Variants in PRKG1 observed in about 807,000 individuals in gnomAD.
PRKG1 encodes cGMP-dependent protein kinase 1.
Under a neutral mutation model 88.1 loss-of-function variants are expected in PRKG1, and 35 were observed. The observed-to-expected ratio is 0.40, with a 90% CI of 0.30 to 0.53. The LOEUF (loss-of-function observed/expected upper bound fraction) is 0.53. Among genes scored for constraint, PRKG1 ranks in the 20% least tolerant of loss-of-function variants. The pLI is 0.59. For synonymous variants in PRKG1, 303 were observed against 292.5 expected (o/e 1.04, Z -0.37); for missense variants, 540 against 839.8 (o/e 0.64, Z 4.41).
At chr10:51,082,449 A>C (rs774993614) in intron 1 of PRKG1, among the ~76,000 whole-genome samples, 7 of 152,192 alleles carry the variant, frequency 4.6e-5, no homozygotes, top group Admixed American at 2.0e-4. Flanking sequence ...CAATTCCTAG[A>C]TTGTACCACA....
At chr10:51,096,797 C>A (rs1844541096) in intron 1 of PRKG1, among the ~76,000 whole-genome samples, 1 of 152,200 alleles carries the variant, frequency 6.6e-6, no homozygotes, top group South Asian at 2.1e-4. Context: ...CATCATTCCG[C>A]TAGCCCAGTG....
At chr10:51,592,904 A>G (rs1200720909) in intron 3 of PRKG1, among the ~76,000 whole-genome samples, 1 of 152,190 alleles carries the variant, frequency 6.6e-6, no homozygotes, top group Non-Finnish European at 1.5e-5. Context: ...CCAGTTTTGC[A>G]TACAGCTTCT....
chr10:51,505,906 C>A (rs576973065), intron 3 of PRKG1, among the ~76,000 whole-genome samples: 9 of 151,640 alleles, frequency 5.9e-5, no homozygotes, highest in African/African-American at 1.9e-4. Flanking sequence ...TTTTGTTGAT[C>A]TTTTCAAAAA....
At chr10:51,218,644 A>G (rs950084002) in intron 2 of PRKG1, among the ~76,000 whole-genome samples, 6 of 150,782 alleles carry the variant, frequency 4.0e-5, no homozygotes, top group African/African-American at 1.5e-4. Context: ...TTAAATATAA[A>G]CACCAATGCA....
At chr10:51,634,175 AC>A (rs1839597760) in intron 3 of PRKG1, among the ~76,000 whole-genome samples, 1 of 152,180 alleles carries the variant, frequency 6.6e-6, no homozygotes, top group African/African-American at 2.4e-5. Flanking sequence ...TACCCTAGGT[AC>A]TAGCAAAGCT....
At chr10:51,324,624 C>T (rs1268561187) in intron 2 of PRKG1, among the ~76,000 whole-genome samples, 10 of 151,616 alleles carry the variant, frequency 6.6e-5, no homozygotes, top group Admixed American at 5.9e-4. Context: ...GCCTGTAATC[C>T]CAGCTACTCG....
chr10:51,882,082 TA>T (rs1395468101), intron 4 of PRKG1, among the ~76,000 whole-genome samples: 3 of 152,114 alleles, frequency 2.0e-5, no homozygotes, highest in African/African-American at 7.2e-5. Context: ...GTTTAAAGCA[TA>T]AAAAAAGTCC....
intron 3 of PRKG1, among the ~76,000 whole-genome samples, chr10:51,626,668 C>G (rs761391573): frequency 5.9e-5 from 9 of 152,016 alleles, no homozygotes; most frequent in Non-Finnish European, 1.0e-4. Context: ...TTTTAGCATT[C>G]TTTTGTTTTT....
intron 1 of PRKG1, among the ~76,000 whole-genome samples, chr10:51,018,741 G>T (rs936453194): frequency 2.6e-5 from 4 of 152,144 alleles, no homozygotes; most frequent in African/African-American, 9.7e-5. Context: ...TTGATCTCTA[G>T]ATAGTAGGGC....
chr10:51,823,114 T>A (rs958447928), intron 4 of PRKG1, among the ~76,000 whole-genome samples: 2 of 152,164 alleles, frequency 1.3e-5, no homozygotes, highest in African/African-American at 4.8e-5. Context: ...AACTTTCCAG[T>A]CACTATTTAA....
intron 1 of PRKG1, among the ~76,000 whole-genome samples, chr10:51,117,346 C>T (rs12354596): frequency 0.022 from 3,381 of 152,278 alleles, 54 homozygotes; most frequent in Non-Finnish European, 0.03. Context: ...ATTCTATCAA[C>T]ATTTTAACCA....
At chr10:52,089,883 C>T (rs950898656) in intron 7 of PRKG1, among the ~76,000 whole-genome samples, 14 of 132,414 alleles carry the variant, frequency 1.1e-4, no homozygotes, top group South Asian at 2.4e-4. Context: ...GGCACAATCT[C>T]GGCTCACTGC....
chr10:52,040,832 C>CTTTTTT lies in PRKG1; in HGVS notation c.763-13636_763-13631dup, dbSNP rs11312625. On this transcript the variant is annotated intron_variant, in intron 5 of 17. Coordinates refer to ENST00000373980, the MANE Select transcript of PRKG1 (RefSeq NM_006258.4). ...TGTGAGTTTGTCATAAATGGCTTTT[C>CTTTTTT]TTTTTTTTTTTTTTTTTTTTTGAGA... is the stretch of plus-strand genomic sequence containing the variant. Among the ~76,000 whole-genome samples the CTTTTTT allele has an allele frequency of 3.6e-3, 308 of 85,144 alleles. 3 individuals are homozygous for CTTTTTT. The highest frequency in any genetic ancestry group is 5.6e-3 in the African/African-American group (117 of 21,014). 55.9% of individuals were successfully genotyped at this position (85,144 alleles called of 152,430 possible).
chr10:51,409,188 G>A (rs1294521975), intron 2 of PRKG1, among the ~76,000 whole-genome samples: 1 of 152,168 alleles, frequency 6.6e-6, no homozygotes, highest in Admixed American at 6.5e-5. Context: ...TTTGGGTGGT[G>A]CCTGCATATC....
chr10:51,961,742 G>A (rs1843453091), intron 5 of PRKG1, among the ~76,000 whole-genome samples: 1 of 152,114 alleles, frequency 6.6e-6, no homozygotes, highest in African/African-American at 2.4e-5. Context: ...TGTATTTCTG[G>A]TTAGCTTTGC....
In PRKG1 at chr10:51,746,583, C is replaced by T. The variant is rs1465655920; in HGVS notation, c.593-58002C>T. Among the ~76,000 whole-genome samples the T allele has an allele frequency of 4.6e-5, 7 of 151,796 alleles. No homozygotes were observed. The East Asian group carries it at 5.8e-4, about 13-fold the overall frequency. On this transcript the variant is annotated intron_variant, in intron 3 of 17. Coordinates refer to ENST00000373980, the MANE Select transcript of PRKG1 (RefSeq NM_006258.4). The stretch of plus-strand genomic sequence containing the variant: ...CTAAAAATACAAAAAATTAGCCAGG[C>T]ATCATGGTGGGTGCCTGTAGTCCCA...
intron 3 of PRKG1, among the ~76,000 whole-genome samples, chr10:51,533,217 A>G (rs1842059492): frequency 6.6e-6 from 1 of 152,236 alleles, no homozygotes; most frequent in African/African-American, 2.4e-5. Context: ...AAATGCATTT[A>G]TCAAATATGG....
chr10:51,575,159 G>A (rs1468765521), intron 3 of PRKG1, among the ~76,000 whole-genome samples: 1 of 151,890 alleles, frequency 6.6e-6, no homozygotes, highest in Non-Finnish European at 1.5e-5. Context: ...AACTAAGCTG[G>A]GTTCCAGAAG....
rs1840899579 is a variant in PRKG1 at position 51,683,410 on chromosome 10, A to G, written c.593-121175A>G. Among the ~76,000 whole-genome samples, 4 of 152,358 alleles carry G rather than the reference A, an allele frequency of 2.6e-5. No homozygotes were observed. The South Asian group carries it at 8.3e-4, about 32-fold the overall frequency. On this transcript the variant is annotated intron_variant, in intron 3 of 17. Transcript: ENST00000373980. ...ATAATTAAAAATAAAAAAACAAGTG[A>G]TGACAGTGTTACTAAGCAATCAATG... is the stretch of plus-strand genomic sequence containing the variant.
Sources: allele counts gnomAD v4.1 joint callset (sites outside exome capture counted in the v4.1 genomes callset), GRCh38; gene constraint gnomAD v4.1.1; transcripts MANE v1.5; gene names NCBI Gene and HGNC (gene_info 2026-07-23, HGNC 2026-07-21).